TM4SF18: variants seen among roughly 807,000 people sequenced by gnomAD.
TM4SF18 encodes the protein transmembrane 4 L6 family member 18.
TM4SF18 carries 22 observed loss-of-function variants against 23.8 expected under a neutral mutation model. The ratio of observed to expected loss-of-function variants is 0.92; its 90% CI spans 0.66 to 1.32. The LOEUF (loss-of-function observed/expected upper bound fraction) is 1.32, where lower values mean the gene tolerates loss of function less well. Among genes scored for constraint, TM4SF18 ranks in the 40% most tolerant of loss-of-function variants. The pLI is 0.00. For synonymous variants in TM4SF18, 87 were observed against 87.9 expected (o/e 0.99, Z 0.06); for missense variants, 255 against 240.3 (o/e 1.06, Z -0.41).
At chr3:149,332,697 A>G (rs978129987) in intron 2 of TM4SF18, among the ~76,000 whole-genome samples, 1 of 152,190 alleles carries the variant, frequency 6.6e-6, no homozygotes, top group Non-Finnish European at 1.5e-5. Context: ...CATTTTTCAC[A>G]TTAGAACACT....
intron 4 of TM4SF18, among the ~76,000 whole-genome samples, chr3:149,322,905 CTT>C (rs34338382): frequency 1.6e-3 from 202 of 128,754 alleles, no homozygotes; most frequent in Non-Finnish European, 1.7e-3. Context: ...GGCCTCCAGA[CTT>C]TTTTTTTTTT....
intron 2 of TM4SF18, among the ~76,000 whole-genome samples, chr3:149,332,235 ATAAC>A (rs577757620): frequency 5.3e-4 from 81 of 152,354 alleles, no homozygotes; most frequent in Middle Eastern, 3.4e-3. Context: ...TGCAAAATGA[ATAAC>A]TAAATGAAAA....
chr3:149,320,149 T>C lies in TM4SF18; in HGVS notation c.*1329A>G, dbSNP rs996662214. On this transcript the variant is annotated 3_prime_UTR_variant, in exon 6 of 6. Coordinates refer to ENST00000296059, the MANE Select transcript of TM4SF18 (RefSeq NM_138786.4). Reference sequence around the variant, plus strand: ...CAGAGCAGGTGTTGACAGACCATTGTTGACAGTGTCCATGGAGGAGACAAA... The same window carrying C: ...CAGAGCAGGTGTTGACAGACCATTGCTGACAGTGTCCATGGAGGAGACAAA... The C allele has an allele frequency of 6.6e-6, 1 of 152,354 alleles. No homozygotes were observed. Among genetic ancestry groups the C allele is most frequent in the Non-Finnish European group, 1.5e-5 (1 of 68,156 alleles). 9.4% of individuals were successfully genotyped at this position (152,354 alleles called of 1,614,324 possible).
In TM4SF18 at chr3:149,330,388, A is replaced by C; in HGVS notation, c.209T>G (p.Leu70Arg). Residue 70 changes from leucine to arginine, a missense_variant, in exon 3 of 6, where the codon CTG becomes CGG. Physicochemically the swap from Leu to Arg is moderately radical, Grantham distance 102. Coordinates refer to ENST00000296059, the MANE Select transcript of TM4SF18 (RefSeq NM_138786.4). ...MLIVTTVLLV[L>R]ENNNNYKCCQ... Reference sequence around the variant, plus strand: ...ACATTTATAGTTGTTATTATTCTCCAGTACCAGAAGAACTGTTGTTACTAT... The same window carrying C: ...ACATTTATAGTTGTTATTATTCTCCCGTACCAGAAGAACTGTTGTTACTAT... 2 of 1,609,120 alleles carry C rather than the reference A, an allele frequency of 1.2e-6. No homozygotes were observed. Among genetic ancestry groups the C allele is most frequent in the East Asian group, 2.2e-5 (1 of 44,660 alleles).
At chr3:149,328,621 T>A (rs1442705153) in intron 3 of TM4SF18, among the ~76,000 whole-genome samples, 5 of 152,190 alleles carry the variant, frequency 3.3e-5, no homozygotes, top group Non-Finnish European at 7.3e-5. Flanking sequence ...TAAAAATCCA[T>A]ATTTTTACTT....
In TM4SF18 at chr3:149,330,447, G is replaced by A. The variant is rs766504218; in HGVS notation, c.178-28C>T. On this transcript the variant is annotated intron_variant, in intron 2 of 5. Transcript: ENST00000296059. Reference sequence around the variant, plus strand: ...ATAGGAGGGAAGACATAAAATGTTAGCAATGAAATGCTAGTTTACATTTGT... The same window carrying A: ...ATAGGAGGGAAGACATAAAATGTTAACAATGAAATGCTAGTTTACATTTGT... 4.9e-6 allele frequency: 7 copies of A among 1,426,934 alleles called. No individual in the cohort carries two copies. In the South Asian group the frequency reaches 7.2e-5, roughly 15 times the overall value. 88.4% of individuals were successfully genotyped at this position (1,426,934 alleles called of 1,614,324 possible). A position where few individuals can be genotyped will look rare whatever the true frequency, so the allele number is the denominator to read the frequency against.
chr3:149,324,702 A>G, intron 4 of TM4SF18, 178 bp downstream of exon 4: 3 of 735,998 alleles, frequency 4.1e-6, no homozygotes, highest in Non-Finnish European at 6.6e-6. Context: ...AAAAAAATCT[A>G]AACAAAGATC....
intron 1 of TM4SF18, 31 bp downstream of exon 1, chr3:149,333,482 C>CACTTTTTTT: frequency 4.3e-6 from 1 of 235,256 alleles, no homozygotes; most frequent in Non-Finnish European, 6.8e-6. Context: ...CTCTCTCTCT[C>CACTTTTTTT]TTTTTTTTTT....
In TM4SF18 at chr3:149,322,249, C is replaced by T; in HGVS notation, c.591+7G>A. On this transcript the variant is annotated splice_region_variant and intron_variant, in intron 5 of 5. Coordinates refer to ENST00000296059, the MANE Select transcript of TM4SF18 (RefSeq NM_138786.4). The stretch of plus-strand genomic sequence containing the variant: ...ATGAGCTACAGGTGCCCATGAGAAT[C>T]TGTTACCTGGAAGATCACTGAATAG... 6.2e-7 allele frequency: 1 copy of T among 1,606,454 alleles called. No individual in the cohort carries two copies. Among genetic ancestry groups the T allele is most frequent in the Non-Finnish European group, 8.5e-7 (1 of 1,176,226 alleles).
intron 3 of TM4SF18, among the ~76,000 whole-genome samples, chr3:149,326,424 C>G (rs1259472132): frequency 2.0e-5 from 3 of 152,134 alleles, no homozygotes; most frequent in Non-Finnish European, 4.4e-5. Context: ...TTAAGAGTAT[C>G]CTTCAGATCT....
chr3:149,333,482 C>CTA, intron 1 of TM4SF18, 31 bp downstream of exon 1: 1 of 235,256 alleles, frequency 4.3e-6, no homozygotes, highest in Non-Finnish European at 6.8e-6. Context: ...CTCTCTCTCT[C>CTA]TTTTTTTTTT....
At chr3:149,333,429 C>G (rs1731136564) in intron 1 of TM4SF18, 30 bp from the exon 2 acceptor site, 1 of 1,353,704 alleles carries the variant, frequency 7.4e-7, no homozygotes, top group Non-Finnish European at 9.8e-7. Flanking sequence ...TATACAGTCA[C>G]AGAAAGTCTA....
Position 149,324,780 on chromosome 3 carries a change from T to C in TM4SF18, c.410+100A>G, listed in dbSNP as rs566954085. On this transcript the variant is annotated intron_variant, in intron 4 of 5. Coordinates refer to ENST00000296059, the MANE Select transcript of TM4SF18 (RefSeq NM_138786.4). ...GAAATTCTGCACTAAAACAGCCACATGGAACCCCAAAGTGATCATGGAAAA... is the reference window on the plus strand; with the variant it reads ...GAAATTCTGCACTAAAACAGCCACACGGAACCCCAAAGTGATCATGGAAAA... The C allele has an allele frequency of 9.0e-4, 1,353 of 1,503,880 alleles. 4 individuals carry two copies. The highest frequency in any genetic ancestry group is 2.5e-3 in the South Asian group (206 of 81,760). 93.2% of individuals were successfully genotyped at this position (1,503,880 alleles called of 1,614,324 possible). A position where few individuals can be genotyped will look rare whatever the true frequency, so the allele number is the denominator to read the frequency against.
At chr3:149,327,181 C>T (rs771119920) in intron 3 of TM4SF18, among the ~76,000 whole-genome samples, 4 of 152,190 alleles carry the variant, frequency 2.6e-5, no homozygotes, top group Non-Finnish European at 5.9e-5. Context: ...AACTCCTGAC[C>T]TCAGGGGATC....
chr3:149,331,656 T>A (rs1439931290), intron 2 of TM4SF18, among the ~76,000 whole-genome samples: 1 of 152,176 alleles, frequency 6.6e-6, no homozygotes, highest in Non-Finnish European at 1.5e-5. Flanking sequence ...CACTGCCTTC[T>A]TTTTTTGTTT....
intron 5 of TM4SF18, among the ~76,000 whole-genome samples, chr3:149,321,822 A>T (rs77014615): frequency 1.3e-5 from 2 of 152,198 alleles, no homozygotes; most frequent in African/African-American, 4.8e-5. Context: ...AAGCACTCCT[A>T]TGCACTCGAG....
chr3:149,319,851 A>C lies in TM4SF18; in HGVS notation c.*1627T>G, dbSNP rs1030727686. ...CTAGTTCAAATTCTTATGCTTGAAT[A>C]ACCACCAGTCTTGTTTGGACAGTGT... On this transcript the variant is annotated 3_prime_UTR_variant, in exon 6 of 6. Transcript: ENST00000296059. 1 of 152,230 alleles carries C rather than the reference A, an allele frequency of 6.6e-6. No individual in the cohort carries two copies. The highest frequency in any genetic ancestry group is 1.9e-4 in the East Asian group (1 of 5,188). 9.4% of individuals were successfully genotyped at this position (152,230 alleles called of 1,614,324 possible). A position where few individuals can be genotyped will look rare whatever the true frequency, so the allele number is the denominator to read the frequency against.
intron 4 of TM4SF18, 131 bp downstream of exon 4, chr3:149,324,749 A>AG: frequency 3.4e-6 from 4 of 1,177,080 alleles, no homozygotes; most frequent in Non-Finnish European, 4.8e-6. Flanking sequence ...TTAGTAAACT[A>AG]ACAGGGAAAT....
chr3:149,322,314 A>G lies in TM4SF18; in HGVS notation c.533T>C (p.Ile178Thr), dbSNP rs768867088. 17 of 1,614,000 alleles carry G rather than the reference A, an allele frequency of 1.1e-5. No individual in the cohort carries two copies. The South Asian group carries it at 1.1e-4, about 10-fold the overall frequency. ...CTTGGATAGTTGCATGACTACTCTG[A>G]TGAGGCAGATGATCACTTGAAGCCC... is the stretch of plus-strand genomic sequence containing the variant. ...LSGLQVIICL[I>T]RVVMQLSKIL... Residue 178 changes from isoleucine (I) to threonine (T), a missense_variant, in exon 5 of 6, where the codon ATC (isoleucine) becomes ACC (threonine). Ile to Thr is a moderately conservative substitution (Grantham distance 89, BLOSUM62 -1). Transcript: ENST00000296059.
Sources: allele counts gnomAD v4.1 joint callset (sites outside exome capture counted in the v4.1 genomes callset), GRCh38; gene constraint gnomAD v4.1.1; transcripts MANE v1.5; gene names NCBI Gene and HGNC (gene_info 2026-07-23, HGNC 2026-07-21).